Variants in IGSF11 observed in about 807,000 individuals in gnomAD.
IGSF11 encodes the protein immunoglobulin superfamily member 11, also known as CXADR like 1.
A neutral mutation model predicts 41.0 loss-of-function variants in IGSF11; 22 were observed. The ratio of observed to expected loss-of-function variants is 0.54; its 90% confidence interval spans 0.38 to 0.77. The LOEUF is 0.77. Among genes scored for constraint, IGSF11 ranks in the 30% least tolerant of loss-of-function variants. The pLI is 0.00. For missense variants in IGSF11, 444 were observed against 530.8 expected (o/e 0.84, Z 1.61); for synonymous variants, 219 against 201.3 (o/e 1.09, Z -0.74).
intron 1 of IGSF11, among the ~76,000 whole-genome samples, chr3:118,945,453 A>T (rs1944052933): frequency 1.3e-5 from 2 of 152,262 alleles, no homozygotes; most frequent in South Asian, 4.1e-4. Context: ...AAAACTTCCC[A>T]TGATGAAGCC....
chr3:119,010,233 A>C (rs1476368669), intron 1 of IGSF11, among the ~76,000 whole-genome samples: 1 of 152,222 alleles, frequency 6.6e-6, no homozygotes, highest in African/African-American at 2.4e-5. Context: ...CTTCTGGCAA[A>C]GCAGTGTACA....
chr3:119,015,910 G>T (rs907642502), intron 1 of IGSF11, among the ~76,000 whole-genome samples: 2 of 152,114 alleles, frequency 1.3e-5, no homozygotes, highest in African/African-American at 4.8e-5. Flanking sequence ...AGAGAAAAAC[G>T]ATTCAAAGGT....
At chr3:119,046,130 C>G (rs994455480) in intron 1 of IGSF11, among the ~76,000 whole-genome samples, 1 of 151,038 alleles carries the variant, frequency 6.6e-6, no homozygotes, top group Non-Finnish European at 1.5e-5. Context: ...AGCAACGGAA[C>G]AAAGCTGGAT....
At chr3:119,123,002 T>G (rs953823732) in intron 1 of IGSF11, among the ~76,000 whole-genome samples, 2 of 152,178 alleles carry the variant, frequency 1.3e-5, no homozygotes, top group Non-Finnish European at 2.9e-5. Context: ...GCATCTTAGG[T>G]ACTAGCTCAG....
intron 1 of IGSF11, among the ~76,000 whole-genome samples, chr3:118,968,296 G>T (rs1249582775): frequency 1.3e-5 from 2 of 152,120 alleles, no homozygotes; most frequent in Non-Finnish European, 2.9e-5. Context: ...AGCCTCTCAG[G>T]TTTCTGTTCC....
chr3:118,943,985 T>G (rs1943915476), intron 1 of IGSF11, among the ~76,000 whole-genome samples: 1 of 152,246 alleles, frequency 6.6e-6, no homozygotes, highest in Non-Finnish European at 1.5e-5. Context: ...AGGAAGGATG[T>G]TACATTCTGA....
At chr3:118,944,657 C>T (rs948844589) in intron 1 of IGSF11, among the ~76,000 whole-genome samples, 1 of 152,140 alleles carries the variant, frequency 6.6e-6, no homozygotes. Flanking sequence ...AGGCCTTTCT[C>T]AATTTGATTC....
At chr3:119,028,778 G>C (rs1940074699) in intron 1 of IGSF11, among the ~76,000 whole-genome samples, 1 of 151,848 alleles carries the variant, frequency 6.6e-6, no homozygotes, top group African/African-American at 2.4e-5. Flanking sequence ...ATTAGTTGAA[G>C]CTGACATAGT....
At chr3:118,935,115 A>C (rs1943141414) in intron 1 of IGSF11, among the ~76,000 whole-genome samples, 1 of 151,508 alleles carries the variant, frequency 6.6e-6, no homozygotes, top group South Asian at 2.1e-4. Context: ...TATATAACAA[A>C]TCCTCATTAG....
intron 1 of IGSF11, among the ~76,000 whole-genome samples, chr3:118,994,344 C>A (rs77063484): frequency 0.037 from 5,661 of 152,232 alleles, 139 homozygotes; most frequent in Non-Finnish European, 0.058. Flanking sequence ...TAAGGACTAC[C>A]TCTAGAATAC....
intron 1 of IGSF11, among the ~76,000 whole-genome samples, chr3:119,048,995 T>C (rs576419094): frequency 6.6e-6 from 1 of 152,132 alleles, no homozygotes; most frequent in East Asian, 1.9e-4. Flanking sequence ...ATGGGACGTA[T>C]TTCAAAATAA....
chr3:119,033,738 A>T (rs1047370971), intron 1 of IGSF11, among the ~76,000 whole-genome samples: 1 of 152,242 alleles, frequency 6.6e-6, no homozygotes, highest in African/African-American at 2.4e-5. Flanking sequence ...TGGGACAGAA[A>T]ACTGGATTCC....
intron 1 of IGSF11, among the ~76,000 whole-genome samples, chr3:119,133,551 C>T (rs142487015): frequency 2.4e-3 from 373 of 152,298 alleles, no homozygotes; most frequent in African/African-American, 8.4e-3. Context: ...AGACCAATAA[C>T]AGGTTCTGAA....
intron 4 of IGSF11, among the ~76,000 whole-genome samples, chr3:118,906,906 A>G (rs1364501663): frequency 1.3e-5 from 2 of 152,324 alleles, no homozygotes; most frequent in South Asian, 2.1e-4. Flanking sequence ...ATGTTTAATA[A>G]GATTACACAG....
intron 1 of IGSF11, among the ~76,000 whole-genome samples, chr3:119,093,361 C>T (rs978521887): frequency 6.6e-6 from 1 of 151,946 alleles, no homozygotes; most frequent in African/African-American, 2.4e-5. Context: ...GAGAACTCCC[C>T]GAAGAAGCTG....
intron 1 of IGSF11, among the ~76,000 whole-genome samples, chr3:118,999,152 A>G (rs147967368): frequency 1.3e-5 from 2 of 152,182 alleles, no homozygotes; most frequent in African/African-American, 2.4e-5. Flanking sequence ...GGGGAAACAA[A>G]TCGAGTGAAT....
At chr3:118,964,061 T>A (rs1945512415) in intron 1 of IGSF11, among the ~76,000 whole-genome samples, 1 of 152,166 alleles carries the variant, frequency 6.6e-6, no homozygotes, top group Non-Finnish European at 1.5e-5. Context: ...CTTTCTAAAA[T>A]CATTACATCT....
chr3:118,906,671 G>A (rs1388695121), intron 4 of IGSF11, among the ~76,000 whole-genome samples: 2 of 152,152 alleles, frequency 1.3e-5, no homozygotes, highest in Non-Finnish European at 2.9e-5. Context: ...GCCAAGAAAT[G>A]CTTCAATAGT....
At chr3:119,106,391 T>C (rs1039912386), upstream of IGSF11, among the ~76,000 whole-genome samples, 2 of 152,106 alleles carry the variant, frequency 1.3e-5, no homozygotes, top group African/African-American at 4.8e-5. Flanking sequence ...TGGTAACCAT[T>C]TTTATACCCT....
Sources: gnomAD v4.1 joint callset for allele counts (sites outside exome capture counted in the v4.1 genomes callset) on GRCh38, gnomAD v4.1.1 for gene constraint, MANE v1.5 for transcripts, NCBI Gene and HGNC (gene_info 2026-07-23, HGNC 2026-07-21) for gene names.